BICDL1: variants seen among roughly 807,000 people sequenced by gnomAD.
BICDL1 encodes BICD family-like cargo adapter 1.
A neutral mutation model predicts 76.8 loss-of-function variants in BICDL1; 20 were observed. That is an observed-to-expected ratio of 0.26 (90% confidence interval 0.18 to 0.38). The LOEUF (loss-of-function observed/expected upper bound fraction) is 0.38, where lower values mean the gene tolerates loss of function less well. Among genes scored for constraint, BICDL1 ranks in the 10% least tolerant of loss-of-function variants. The probability of loss-of-function intolerance (pLI) is 1.00; values close to 1 mark genes in which losing one functional copy is unlikely to be tolerated. For synonymous variants in BICDL1, 383 were observed against 337.1 expected, an observed-to-expected ratio of 1.14 and a Z score of -1.49; for missense variants, 700 against 798.6, an observed-to-expected ratio of 0.88 and a Z score of 1.49.
At chr12:120,069,703 A>C (rs1031868011) in intron 4 of BICDL1, among the ~76,000 whole-genome samples, 1 of 152,106 alleles carries the variant, frequency 6.6e-6, no homozygotes, top group Admixed American at 6.5e-5. Context: ...TTTTTTCATG[A>C]AAATGTATAT....
At chr12:120,087,565 ATTAGTCGCTGGCCCTGTAC>A (rs1566271371) in intron 8 of BICDL1, among the ~76,000 whole-genome samples, 1 of 152,208 alleles carries the variant, frequency 6.6e-6, no homozygotes. Context: ...AGCCCTGCAC[ATTAGTCGCTGGCCCTGTAC>A]AAGGAGCATG....
At chr12:120,040,751 C>CTTT (rs57089775) in intron 2 of BICDL1, among the ~76,000 whole-genome samples, 24 of 134,304 alleles carry the variant, frequency 1.8e-4, no homozygotes, top group South Asian at 4.6e-4. Context: ...ATAGGAAATA[C>CTTT]TTTTTTTTTT....
intron 2 of BICDL1, among the ~76,000 whole-genome samples, chr12:120,016,924 GCTCT>G (rs1952075535): frequency 6.6e-6 from 1 of 151,852 alleles, no homozygotes; most frequent in African/African-American, 2.4e-5. Context: ...ACGGAGTCTC[GCTCT>G]CTCTCCCAGT....
At chr12:119,990,440 A>T in intron 1 of BICDL1, 143 bp downstream of exon 1, 9 of 1,434,200 alleles carry the variant, frequency 6.3e-6, no homozygotes, top group South Asian at 4.1e-5. Context: ...GGGAGGGAGG[A>T]TGGAGGATTA....
chr12:119,991,853 G>T (rs1951531073), intron 1 of BICDL1, among the ~76,000 whole-genome samples: 2 of 152,114 alleles, frequency 1.3e-5, no homozygotes, highest in Non-Finnish European at 2.9e-5. Context: ...ATAGGGCAAA[G>T]ATTTCAGAAT....
intron 2 of BICDL1, among the ~76,000 whole-genome samples, chr12:120,004,600 TAAA>T (rs1432778189): frequency 6.6e-6 from 1 of 152,104 alleles, no homozygotes; most frequent in Admixed American, 6.6e-5. Flanking sequence ...GAGACTGAAA[TAAA>T]GAAACAAAGA....
Position 120,093,415 on chromosome 12 carries a change from C to A in BICDL1, c.*254C>A. On this transcript the variant is annotated 3_prime_UTR_variant, in exon 10 of 10. Coordinates refer to ENST00000548673, the MANE Select transcript of BICDL1 (RefSeq NM_001367886.1). ...CCACGCCTGGGCTTCTCCAGGACCA[C>A]GTGCTTGAGCAGGGTTAGGCCACCT... 2 of 508,056 alleles carry A rather than the reference C, an allele frequency of 3.9e-6. No individual in the cohort carries two copies. The highest frequency in any genetic ancestry group is 3.5e-6 in the Non-Finnish European group (1 of 281,894). 31.5% of individuals were successfully genotyped at this position (508,056 alleles called of 1,614,324 possible).
At chr12:120,055,055 AT>A (rs1952946764) in intron 2 of BICDL1, among the ~76,000 whole-genome samples, 1 of 152,164 alleles carries the variant, frequency 6.6e-6, no homozygotes, top group Non-Finnish European at 1.5e-5. Flanking sequence ...TTACATTTAA[AT>A]TTTAAAATAA....
At chr12:120,016,929 C>G (rs1952075788) in intron 2 of BICDL1, among the ~76,000 whole-genome samples, 1 of 152,166 alleles carries the variant, frequency 6.6e-6, no homozygotes, top group African/African-American at 2.4e-5. Flanking sequence ...GTCTCGCTCT[C>G]TCTCCCAGTC....
intron 2 of BICDL1, among the ~76,000 whole-genome samples, chr12:120,040,322 C>T (rs1363104139): frequency 6.6e-6 from 1 of 152,120 alleles, no homozygotes; most frequent in African/African-American, 2.4e-5. Flanking sequence ...AACTCCTGAC[C>T]TCAGGTGATC....
At chr12:120,002,840 G>A (rs1951783515) in intron 2 of BICDL1, among the ~76,000 whole-genome samples, 1 of 152,096 alleles carries the variant, frequency 6.6e-6, no homozygotes, top group African/African-American at 2.4e-5. Flanking sequence ...TAGAAAGCAG[G>A]GAGCTTTTTC....
chr12:120,065,126 C>G lies in BICDL1; in HGVS notation c.909+247C>G, dbSNP rs367822029. On this transcript the variant is annotated intron_variant, in intron 4 of 9. Coordinates refer to ENST00000548673, the MANE Select transcript of BICDL1 (RefSeq NM_001367886.1). The stretch of plus-strand genomic sequence containing the variant: ...GAGCCACTGGCCCACGGAGCAGTTT[C>G]ACAGAGTTCTCTCTGGGTTCTTAAC... Among the ~76,000 whole-genome samples the G allele has an allele frequency of 9.8e-5, 15 of 152,338 alleles. No homozygotes were observed. In the East Asian group the frequency reaches 2.3e-3, roughly 24 times the overall value.
At chr12:120,049,143 C>G (rs751988958) in intron 2 of BICDL1, among the ~76,000 whole-genome samples, 1 of 152,102 alleles carries the variant, frequency 6.6e-6, no homozygotes, top group Non-Finnish European at 1.5e-5. Flanking sequence ...GCTCTGAGAA[C>G]GCAAAGGAGG....
rs1951462653 is a variant in BICDL1 at position 119,989,336 on chromosome 12, C to A, written c.-533C>A. On this transcript the variant is annotated 5_prime_UTR_variant, in exon 1 of 10. An upstream open reading frame in the 5' UTR gains an earlier in-frame stop. Coordinates refer to ENST00000548673, the MANE Select transcript of BICDL1 (RefSeq NM_001367886.1). ...GTCGCCGCCGCTGCTGCTGGGGCTG[C>A]CGCGGAGCCGGGGGTCATGGAGTGC... Among the ~76,000 whole-genome samples, 1 of 150,784 alleles carries A rather than the reference C, an allele frequency of 6.6e-6. No individual in the cohort carries two copies.
chr12:120,040,765 T>TTTTTTTTTTTTC (rs1952625222), intron 2 of BICDL1, among the ~76,000 whole-genome samples: 1 of 151,116 alleles, frequency 6.6e-6, no homozygotes, highest in African/African-American at 2.5e-5. Flanking sequence ...TTTTTTTTTT[T>TTTTTTTTTTTTC]TGTAGACAGT....
chr12:120,004,076 G>A (rs187249329), intron 2 of BICDL1, among the ~76,000 whole-genome samples: 3 of 152,304 alleles, frequency 2.0e-5, no homozygotes, highest in Admixed American at 2.0e-4. Context: ...CTTCTGAGCA[G>A]AGCCTCACGT....
chr12:120,054,078 T>C (rs1358321433), intron 2 of BICDL1, among the ~76,000 whole-genome samples: 1 of 151,354 alleles, frequency 6.6e-6, no homozygotes, highest in African/African-American at 2.4e-5. Context: ...TTGTAACTTT[T>C]TTTTTTTTTT....
chr12:120,068,787 G>T (rs1872858448), intron 4 of BICDL1, among the ~76,000 whole-genome samples: 1 of 152,216 alleles, frequency 6.6e-6, no homozygotes, highest in Non-Finnish European at 1.5e-5. Context: ...CTGCACTCCA[G>T]CCTGGGTGAC....
intron 2 of BICDL1, among the ~76,000 whole-genome samples, chr12:120,042,820 G>T (rs1244775113): frequency 5.5e-5 from 8 of 146,708 alleles, no homozygotes; most frequent in Non-Finnish European, 7.5e-5. Flanking sequence ...AAAAAAAAAA[G>T]ACGAAGAACC....
Sources: gnomAD v4.1 joint callset for allele counts (sites outside exome capture counted in the v4.1 genomes callset) on GRCh38, gnomAD v4.1.1 for gene constraint, MANE v1.5 for transcripts, NCBI Gene and HGNC (gene_info 2026-07-23, HGNC 2026-07-21) for gene names.